The following BORCS5 variants were observed in gnomAD, a reference collection of about 807,000 sequenced individuals.
BORCS5 encodes the protein BLOC-1 related complex subunit 5.
In BORCS5, 17 loss-of-function variants were observed where a neutral mutation model predicts 22.1. That is an observed-to-expected ratio of 0.77 (90% CI 0.53 to 1.15). BORCS5 has a LOEUF of 1.15. Among genes scored for constraint, BORCS5 ranks in the 50% most tolerant of loss-of-function variants. BORCS5 has a pLI of 0.00. For synonymous variants in BORCS5, 117 were observed against 99.8 expected (o/e 1.17, Z -1.03); for missense variants, 247 against 253.2 (o/e 0.98, Z 0.17).
At chr12:12,445,281 ATCC>A (rs752126762) in intron 3 of BORCS5, among the ~76,000 whole-genome samples, 4 of 151,648 alleles carry the variant, frequency 2.6e-5, no homozygotes, top group African/African-American at 4.8e-5. Flanking sequence ...GCCTCAAGCA[ATCC>A]TCCTACCCAC....
At chr12:12,422,820 A>G (rs1942170356) in intron 2 of BORCS5, among the ~76,000 whole-genome samples, 1 of 152,102 alleles carries the variant, frequency 6.6e-6, no homozygotes, top group East Asian at 1.9e-4. Context: ...TAAAAAAACA[A>G]AATATGGAGT....
chr12:12,448,119 G>A (rs1942827506), intron 3 of BORCS5, among the ~76,000 whole-genome samples: 1 of 152,180 alleles, frequency 6.6e-6, no homozygotes, highest in South Asian at 2.1e-4. Flanking sequence ...AGTGGAGCTG[G>A]GATGCAGGCT....
chr12:12,394,328 AAAAC>A (rs928463129), intron 2 of BORCS5, among the ~76,000 whole-genome samples: 10 of 151,970 alleles, frequency 6.6e-5, no homozygotes, highest in African/African-American at 1.7e-4. Context: ...TCTATCTCAA[AAAAC>A]AAACAAACAA....
At position 12,425,943 on chromosome 12, in the gene BORCS5, A is replaced by T. The variant is rs778079280; in HGVS notation, c.203-9685A>T. On this transcript the variant is annotated intron_variant, in intron 2 of 3. Coordinates refer to ENST00000314565, the MANE Select transcript of BORCS5 (RefSeq NM_058169.6). ...TGAGACAGTGAGGAAATTAACACGAATTGTGTGCCTCCTCTTTGCTAGGTG... is the reference window on the plus strand; with the variant it reads ...TGAGACAGTGAGGAAATTAACACGATTTGTGTGCCTCCTCTTTGCTAGGTG... Among the ~76,000 whole-genome samples the T allele has an allele frequency of 1.6e-3, 238 of 152,314 alleles. 2 individuals carry two copies. The highest frequency in any genetic ancestry group is 2.9e-3 in the Non-Finnish European group (196 of 68,020).
intron 2 of BORCS5, among the ~76,000 whole-genome samples, chr12:12,365,978 G>C (rs1397239893): frequency 6.6e-6 from 1 of 152,194 alleles, no homozygotes; most frequent in Non-Finnish European, 1.5e-5. Context: ...TTGAGGTGCA[G>C]CATTTGTTGC....
intron 2 of BORCS5, among the ~76,000 whole-genome samples, chr12:12,415,008 G>A (rs1418983866): frequency 0.025 from 3,130 of 126,180 alleles, 284 homozygotes; most frequent in African/African-American, 0.089. Flanking sequence ...GGGAAGAGGC[G>A]CTCCTCGCTT....
intron 1 of BORCS5, 144 bp downstream of exon 1, chr12:12,357,653 C>T (rs916346721): frequency 3.1e-5 from 26 of 833,428 alleles, no homozygotes; most frequent in Non-Finnish European, 4.1e-5. Flanking sequence ...AAAAAGTCAC[C>T]ATCTGTCCTG....
chr12:12,374,552 A>T lies in BORCS5; in HGVS notation c.202+13203A>T, dbSNP rs1011182127. ...CTACTTGGGAGGCTGAAGTGGGAGG[A>T]TCACTTGACCCTGGGAGGTCGAGCG... On this transcript the variant is annotated intron_variant, in intron 2 of 3. Transcript: ENST00000314565. 6.6e-5 allele frequency among the ~76,000 whole-genome samples: 10 copies of T among 151,762 alleles called. No homozygotes were observed. The East Asian group carries it at 1.9e-3, about 29-fold the overall frequency.
intron 2 of BORCS5, 122 bp downstream of exon 2, chr12:12,361,471 C>A: frequency 1.8e-6 from 2 of 1,101,524 alleles, no homozygotes; most frequent in Non-Finnish European, 2.6e-6. Flanking sequence ...GCTTAAATGG[C>A]ATCTTCTCAG....
intron 1 of BORCS5, among the ~76,000 whole-genome samples, chr12:12,360,606 T>C (rs926999920): frequency 5.8e-5 from 8 of 137,380 alleles, no homozygotes; most frequent in Admixed American, 2.4e-4. Flanking sequence ...AGATAGGGTC[T>C]CACTATGTTG....
intron 2 of BORCS5, among the ~76,000 whole-genome samples, chr12:12,367,911 A>G (rs1455495226): frequency 6.6e-6 from 1 of 152,174 alleles, no homozygotes; most frequent in Admixed American, 6.5e-5. Flanking sequence ...GTTCAGATAT[A>G]CAGCTCTTCC....
At chr12:12,417,692 G>T (rs56701819) in intron 2 of BORCS5, among the ~76,000 whole-genome samples, 1 of 151,940 alleles carries the variant, frequency 6.6e-6, no homozygotes, top group African/African-American at 2.4e-5. Context: ...GTCTAACTCT[G>T]TCACCCAGGC....
rs901882685 is a variant in BORCS5, at chr12:12,386,203, G to A, written c.202+24854G>A. Among the ~76,000 whole-genome samples the A allele has an allele frequency of 1.4e-4, 21 of 150,822 alleles. 1 individual carries two copies. Among genetic ancestry groups the A allele is most frequent in the Non-Finnish European group, 2.1e-4 (14 of 67,482 alleles). ...TTTAGTAGAGACAGCATTTCGCCAC[G>A]TTGGCTAGGCTGGTCATGGACTCCT... On this transcript the variant is annotated intron_variant, in intron 2 of 3. Coordinates refer to ENST00000314565, the MANE Select transcript of BORCS5 (RefSeq NM_058169.6).
At chr12:12,423,732 A>G (rs1942203846) in intron 2 of BORCS5, among the ~76,000 whole-genome samples, 1 of 151,904 alleles carries the variant, frequency 6.6e-6, no homozygotes, top group Non-Finnish European at 1.5e-5. Context: ...TCTGTCACCC[A>G]GGCTAGAGTG....
chr12:12,427,535 G>A (rs946434799), intron 2 of BORCS5, among the ~76,000 whole-genome samples: 1 of 152,150 alleles, frequency 6.6e-6, no homozygotes, highest in Non-Finnish European at 1.5e-5. Context: ...TAGAGTTTAA[G>A]TAAAGGATAC....
chr12:12,430,151 ATTT>A (rs71061068), intron 2 of BORCS5, among the ~76,000 whole-genome samples: 2 of 107,738 alleles, frequency 1.9e-5, no homozygotes, highest in African/African-American at 4.1e-5. Flanking sequence ...CTTAGAGAAA[ATTT>A]TTTTTTTTTT....
chr12:12,386,709 A>G (rs1203050438), intron 2 of BORCS5, among the ~76,000 whole-genome samples: 1 of 150,282 alleles, frequency 6.7e-6, no homozygotes, highest in Non-Finnish European at 1.5e-5. Flanking sequence ...ACCTCAAGTG[A>G]TCCACCTGCC....
chr12:12,448,056 C>T (rs1942826028), intron 3 of BORCS5, among the ~76,000 whole-genome samples: 1 of 152,126 alleles, frequency 6.6e-6, no homozygotes, highest in Non-Finnish European at 1.5e-5. Flanking sequence ...CTATATTTCA[C>T]GATCAGCTGA....
chr12:12,409,621 G>T (rs1265220819), intron 2 of BORCS5, among the ~76,000 whole-genome samples: 9 of 152,090 alleles, frequency 5.9e-5, no homozygotes, highest in African/African-American at 2.2e-4. Flanking sequence ...TCTTAATCCA[G>T]TCTATCATTG....
Sources: allele counts gnomAD v4.1 joint callset (sites outside exome capture counted in the v4.1 genomes callset), GRCh38; gene constraint gnomAD v4.1.1; transcripts MANE v1.5; gene names NCBI Gene and HGNC (gene_info 2026-07-23, HGNC 2026-07-21).